The following FBRSL1 variants were observed in gnomAD, a reference collection of about 807,000 sequenced individuals.
FBRSL1 encodes fibrosin-1-like protein.
FBRSL1 carries 51 observed loss-of-function variants against 89.6 expected under a neutral mutation model. The observed-to-expected ratio is 0.57, with a 90% CI of 0.45 to 0.72. The LOEUF (loss-of-function observed/expected upper bound fraction) is 0.72, where lower values mean the gene tolerates loss of function less well. Ranked by LOEUF, FBRSL1 falls within the 30% of genes least tolerant of loss-of-function variation. The probability of loss-of-function intolerance (pLI) is 0.00; values close to 1 mark genes in which losing one functional copy is unlikely to be tolerated. For missense variants in FBRSL1, 1,618 were observed against 1,451.8 expected (o/e 1.11, Z -1.86); for synonymous variants, 779 against 681.1 (o/e 1.14, Z -2.24).
intron 2 of FBRSL1, among the ~76,000 whole-genome samples, chr12:132,514,479 C>A (rs941149502): frequency 6.6e-6 from 1 of 152,254 alleles, no homozygotes; most frequent in African/African-American, 2.4e-5. Flanking sequence ...CGGCCAGAAG[C>A]TGCAGTGATA....
At chr12:132,565,067 C>G (rs1327412063) in intron 5 of FBRSL1, 1 of 152,246 alleles carries the variant, frequency 6.6e-6, no homozygotes, top group African/African-American at 2.4e-5. Flanking sequence ...CACAGAACCC[C>G]CATCTCCCAG....
At position 132,581,755 on chromosome 12, in the gene FBRSL1, C is replaced by T; in HGVS notation, c.1927C>T (p.Pro643Ser). ...TGPLTDPFSR[P>S]STFGGLGSLS... ...TGCCCCCACAGACCCTTTCAGCAGACCGAGCACCTTTGGGGGCCTGGGCAG... is the reference window on the plus strand; with the variant it reads ...TGCCCCCACAGACCCTTTCAGCAGATCGAGCACCTTTGGGGGCCTGGGCAG... Residue 643 changes from proline to serine, a missense_variant, in exon 17 of 19, where the codon CCG becomes TCG. Physicochemically the swap from Pro to Ser is moderately conservative, Grantham distance 74 (BLOSUM62 -1). Coordinates refer to ENST00000680143, the MANE Select transcript of FBRSL1 (RefSeq NM_001367871.1). The T allele has an allele frequency of 6.5e-7, 1 of 1,550,128 alleles. No individual in the cohort carries two copies. The highest frequency in any genetic ancestry group is 8.7e-7 in the Non-Finnish European group (1 of 1,146,820).
chr12:132,577,876 G>A (rs942590411), intron 15 of FBRSL1, among the ~76,000 whole-genome samples: 2 of 152,258 alleles, frequency 1.3e-5, no homozygotes, highest in South Asian at 4.1e-4. Flanking sequence ...TGGTGTCTCA[G>A]CCTGCACGGT....
At chr12:132,554,611 C>G (rs2038460265) in intron 5 of FBRSL1, 2 of 152,176 alleles carry the variant, frequency 1.3e-5, no homozygotes, top group Admixed American at 6.5e-5. Context: ...GTCAGGAGTT[C>G]AAGACCAGCC....
chr12:132,547,422 C>T (rs909531055), intron 4 of FBRSL1, among the ~76,000 whole-genome samples: 13 of 152,208 alleles, frequency 8.5e-5, no homozygotes, highest in South Asian at 2.1e-4. Flanking sequence ...GCGCTGGCAT[C>T]GAGTGTCTAA....
intron 5 of FBRSL1, among the ~76,000 whole-genome samples, chr12:132,548,329 C>T (rs916734964): frequency 2.0e-5 from 3 of 152,144 alleles, no homozygotes; most frequent in African/African-American, 7.2e-5. Context: ...GCCATGGGGT[C>T]GAGCACATCA....
In FBRSL1 at chr12:132,574,142, T is replaced by C; in HGVS notation, c.1583T>C (p.Leu528Pro). 7.1e-7 allele frequency: 1 copy of C among 1,414,748 alleles called. No individual in the cohort carries two copies. Among genetic ancestry groups the C allele is most frequent in the Non-Finnish European group, 9.2e-7 (1 of 1,089,384 alleles). 87.6% of individuals were successfully genotyped at this position (1,414,748 alleles called of 1,614,324 possible). Residue 528 changes from leucine (L) to proline (P), a missense_variant, in exon 12 of 19, where the codon CTG becomes CCG. By Grantham distance (98) the Leu-to-Pro change is moderately conservative. Coordinates refer to ENST00000680143, the MANE Select transcript of FBRSL1 (RefSeq NM_001367871.1). ...ARRAGAVHTL[L>P]QKAPGVSDPY... ...CGGGCTGGTGCGGTTCACACACTCC[T>C]GCAGAAAGCGCCTGGGGTAGGTGTT...
At position 132,527,527 on chromosome 12, in the gene FBRSL1, G is replaced by T. The variant is rs141276382; in HGVS notation, c.580-426G>T. Among the ~76,000 whole-genome samples the T allele has an allele frequency of 3.1e-4, 47 of 152,356 alleles. No individual in the cohort carries two copies. The East Asian group carries it at 7.9e-3, about 26-fold the overall frequency. On this transcript the variant is annotated intron_variant, in intron 3 of 18. Transcript: ENST00000680143. Reference sequence around the variant, plus strand: ...CCTCGTGGCCCCTGCCTGAGAGGATGTCTCGCTGGTGGTCTTGGGTCTGGG... The same window carrying T: ...CCTCGTGGCCCCTGCCTGAGAGGATTTCTCGCTGGTGGTCTTGGGTCTGGG...
intron 18 of FBRSL1, 54 bp downstream of exon 18, chr12:132,582,320 CCCCCCTCCCGTCATCCCCGGTT>C (rs955927639): frequency 1.4e-6 from 2 of 1,425,876 alleles, no homozygotes; most frequent in East Asian, 2.6e-5. Flanking sequence ...CCCGTTCTTT[CCCCCCTCCCGTCATCCCCGGTT>C]CCCCCTCCCC....
At chr12:132,516,029 T>C (rs1393013823) in intron 2 of FBRSL1, among the ~76,000 whole-genome samples, 1 of 151,768 alleles carries the variant, frequency 6.6e-6, no homozygotes, top group African/African-American at 2.4e-5. Context: ...ACACAAATTA[T>C]GAATATTAGG....
At chr12:132,497,988 A>G (rs2136379560) in intron 1 of FBRSL1, among the ~76,000 whole-genome samples, 1 of 152,228 alleles carries the variant, frequency 6.6e-6, no homozygotes, top group African/African-American at 2.4e-5. Flanking sequence ...GTCGTGTGGC[A>G]GCAGCTGGGA....
intron 5 of FBRSL1, among the ~76,000 whole-genome samples, chr12:132,556,008 T>C (rs1343143970): frequency 2.0e-5 from 3 of 152,162 alleles, no homozygotes; most frequent in African/African-American, 7.2e-5. Context: ...CCTGGGGTCC[T>C]CTCTTCTCAG....
At chr12:132,562,747 T>C (rs115373251) in intron 5 of FBRSL1, among the ~76,000 whole-genome samples, 13,520 of 152,128 alleles carry the variant, frequency 0.089, 1,200 homozygotes, top group African/African-American at 0.23. Flanking sequence ...CGCGTGTGGG[T>C]GTGGCAGGCC....
rs186991682 is a variant in FBRSL1, at chr12:132,525,765, G to A, written c.521G>A (p.Arg174Gln). ...GTCACCGTGTCCAAAGGGGGCGACCGGGACAGTGACGACGACAGCGTCCTC... is the reference window on the plus strand; with the variant it reads ...GTCACCGTGTCCAAAGGGGGCGACCAGGACAGTGACGACGACAGCGTCCTC... ...MKVTVSKGGD[R>Q]DSDDDSVLEA... The change falls in exon 3 of 19, where the codon CGG becomes CAG. Residue 174 changes from arginine to glutamine, a missense_variant. Coordinates refer to ENST00000680143, the MANE Select transcript of FBRSL1 (RefSeq NM_001367871.1). The A allele has an allele frequency of 1.1e-3, 1,692 of 1,549,926 alleles. No individual in the cohort carries two copies. The highest frequency in any genetic ancestry group is 1.4e-3 in the Non-Finnish European group (1,553 of 1,146,296).
intron 5 of FBRSL1, among the ~76,000 whole-genome samples, chr12:132,555,376 G>A (rs1052547777): frequency 4.1e-5 from 6 of 147,982 alleles, no homozygotes; most frequent in African/African-American, 1.5e-4. Flanking sequence ...CGCCCCACCC[G>A]AGCGTGAGCG....
intron 15 of FBRSL1, among the ~76,000 whole-genome samples, chr12:132,580,617 CTAGTT>C (rs1466601476): frequency 6.6e-6 from 1 of 152,218 alleles, no homozygotes; most frequent in Non-Finnish European, 1.5e-5. Context: ...GTCTTCCTCT[CTAGTT>C]TAGAAGAGTG....
intron 2 of FBRSL1, among the ~76,000 whole-genome samples, chr12:132,513,228 G>A (rs551107581): frequency 6.6e-6 from 1 of 152,312 alleles, no homozygotes; most frequent in East Asian, 1.9e-4. Flanking sequence ...CCTCCGGCAA[G>A]TGGGATTTGG....
At chr12:132,513,973 G>A (rs948278283) in intron 2 of FBRSL1, among the ~76,000 whole-genome samples, 8 of 152,264 alleles carry the variant, frequency 5.3e-5, no homozygotes, top group Non-Finnish European at 8.8e-5. Context: ...CGAGGGCCCC[G>A]TCTCTCTGGA....
intron 15 of FBRSL1, among the ~76,000 whole-genome samples, 178 bp downstream of exon 15, chr12:132,577,109 C>T (rs549404684): frequency 1.3e-5 from 2 of 152,216 alleles, no homozygotes; most frequent in South Asian, 4.1e-4. Context: ...TCACCCCACC[C>T]CTCACCTCTC....
Sources: gnomAD v4.1 joint callset for allele counts (sites outside exome capture counted in the v4.1 genomes callset) on GRCh38, gnomAD v4.1.1 for gene constraint, MANE v1.5 for transcripts, NCBI Gene and HGNC (gene_info 2026-07-23, HGNC 2026-07-21) for gene names.